The following ANK3 variants were observed in gnomAD, a reference collection of about 807,000 sequenced individuals.
ANK3 encodes ankyrin-3.
A neutral mutation model predicts 370.9 loss-of-function variants in ANK3; 57 were observed. The ratio of observed to expected loss-of-function variants is 0.15; its 90% confidence interval spans 0.12 to 0.19. The LOEUF is 0.19. Among genes scored for constraint, ANK3 ranks in the 10% least tolerant of loss-of-function variants. The pLI, the probability that ANK3 is intolerant of heterozygous loss-of-function variation, is 1.00. For missense variants in ANK3, 4,439 were observed against 5,302.1 expected (o/e 0.84, Z 5.06); for synonymous variants, 1,929 against 1,946.3 (o/e 0.99, Z 0.23).
intron 25 of ANK3, among the ~76,000 whole-genome samples, chr10:60,116,903 C>T (rs943234420): frequency 6.6e-6 from 1 of 152,090 alleles, no homozygotes; most frequent in African/African-American, 2.4e-5. Flanking sequence ...AATACAGAAC[C>T]CATTATGGTA....
At chr10:60,438,593 A>C (rs2064216212) in intron 2 of ANK3, among the ~76,000 whole-genome samples, 1 of 152,198 alleles carries the variant, frequency 6.6e-6, no homozygotes, top group Non-Finnish European at 1.5e-5. Context: ...ACAACCTCAC[A>C]ATGATTGGAT....
At chr10:60,103,380 A>C (rs2091648390) in intron 28 of ANK3, among the ~76,000 whole-genome samples, 1 of 152,210 alleles carries the variant, frequency 6.6e-6, no homozygotes, top group Admixed American at 6.5e-5. Context: ...AAAAGAACAT[A>C]AAAAACATGA....
chr10:60,360,397 G>C (rs2058415694), intron 1 of ANK3, among the ~76,000 whole-genome samples: 1 of 152,298 alleles, frequency 6.6e-6, no homozygotes, highest in Middle Eastern at 3.4e-3. Context: ...TTCTTACTAT[G>C]TGAAGAGAAA....
At chr10:60,731,044 C>T (rs936190398) in intron 1 of ANK3, among the ~76,000 whole-genome samples, 2 of 151,952 alleles carry the variant, frequency 1.3e-5, no homozygotes, top group African/African-American at 4.8e-5. Context: ...ATAACACATC[C>T]GACAAAAATA....
Position 60,027,730 on chromosome 10 carries a change from G to A in ANK3, c.*2116C>T, listed in dbSNP as rs2131821529. 1 of 152,278 alleles carries A rather than the reference G, an allele frequency of 6.6e-6. No homozygotes were observed. The highest frequency in any genetic ancestry group is 2.1e-4 in the South Asian group (1 of 4,822). The allele number at this position is 152,278 out of a possible 1,614,324, so 9.4% of individuals were successfully genotyped here. Reference sequence around the variant, plus strand: ...GTTACTACTATCACTACTACCATATGCTAAGCTGGTAACTAGAATAAAAGT... The same window carrying A: ...GTTACTACTATCACTACTACCATATACTAAGCTGGTAACTAGAATAAAAGT... On this transcript the variant is annotated 3_prime_UTR_variant, in exon 44 of 44. Transcript: ENST00000280772.
chr10:60,056,369 T>A (rs569630384), intron 41 of ANK3, among the ~76,000 whole-genome samples: 2 of 86,532 alleles, frequency 2.3e-5, no homozygotes, highest in East Asian at 2.4e-3. Flanking sequence ...CTCAGGAACC[T>A]GAGGCAGGAG....
intron 16 of ANK3, among the ~76,000 whole-genome samples, chr10:60,193,862 T>C (rs765734190): frequency 1.1e-4 from 16 of 152,330 alleles, no homozygotes; most frequent in Non-Finnish European, 2.2e-4. Context: ...AGCTCACCCC[T>C]GTAATCCCAG....
At chr10:60,442,136 C>A (rs1296838819) in intron 2 of ANK3, among the ~76,000 whole-genome samples, 2 of 144,686 alleles carry the variant, frequency 1.4e-5, no homozygotes, top group African/African-American at 5.2e-5. Context: ...TGCTCTGTTG[C>A]CCAGGCTGGA....
rs191371748 is a variant in ANK3 at position 60,432,827 on chromosome 10, C to A, written c.97-153188G>T. Reference sequence around the variant, plus strand: ...ACAAGTTCTTACCAAGTGAAATTATCCCACTGTGGCTCTGCTGCTGTTCTG... The same window carrying A: ...ACAAGTTCTTACCAAGTGAAATTATACCACTGTGGCTCTGCTGCTGTTCTG... On this transcript the variant is annotated intron_variant, in intron 2 of 43. Coordinates refer to the ANK3 transcript ENST00000373827. Among the ~76,000 whole-genome samples the A allele has an allele frequency of 2.3e-3, 345 of 152,206 alleles. 2 individuals are homozygous for A. The highest frequency in any genetic ancestry group is 7.9e-3 in the African/African-American group (327 of 41,542).
At chr10:60,721,286 G>C (rs1184421268) in intron 1 of ANK3, among the ~76,000 whole-genome samples, 3 of 152,142 alleles carry the variant, frequency 2.0e-5, no homozygotes, top group African/African-American at 4.8e-5. Context: ...TTTCCAGGAA[G>C]AGAAAAATGA....
At chr10:60,089,199 C>A (rs943808566) in intron 28 of ANK3, among the ~76,000 whole-genome samples, 10 of 152,284 alleles carry the variant, frequency 6.6e-5, no homozygotes, top group African/African-American at 2.4e-4. Context: ...ATGGATACAT[C>A]TTCTTCCCTG....
At chr10:60,381,397 AT>A (rs1262953991) in intron 1 of ANK3, among the ~76,000 whole-genome samples, 5 of 152,282 alleles carry the variant, frequency 3.3e-5, no homozygotes, top group Admixed American at 1.3e-4. Context: ...AGAAAAATGT[AT>A]TTAACATATG....
chr10:60,415,916 G>GTCTCCCC (rs1567021986), intron 2 of ANK3, among the ~76,000 whole-genome samples: 1 of 81,190 alleles, frequency 1.2e-5, no homozygotes, highest in Non-Finnish European at 2.6e-5. Context: ...CTGAATTTGT[G>GTCTCCCC]CCCCCCACCC....
At chr10:60,566,147 T>C (rs1172404124) in intron 2 of ANK3, among the ~76,000 whole-genome samples, 1 of 152,206 alleles carries the variant, frequency 6.6e-6, no homozygotes, top group Non-Finnish European at 1.5e-5. Context: ...CTGTTTTGGG[T>C]AGCCACAAAC....
At chr10:60,685,518 G>A (rs2079256352) in intron 1 of ANK3, among the ~76,000 whole-genome samples, 1 of 152,210 alleles carries the variant, frequency 6.6e-6, no homozygotes, top group Non-Finnish European at 1.5e-5. Flanking sequence ...GTAAAGTACA[G>A]TCAAATTATT....
At chr10:60,172,477 G>GGTGA in intron 20 of ANK3, 74 bp from the exon 21 acceptor site, 1 of 1,199,310 alleles carries the variant, frequency 8.3e-7, no homozygotes, top group Non-Finnish European at 1.2e-6. Flanking sequence ...CAAAATGTAA[G>GGTGA]GTGAGTGTCT....
intron 1 of ANK3, among the ~76,000 whole-genome samples, chr10:60,358,556 A>C (rs1392176653): frequency 6.6e-6 from 1 of 152,074 alleles, no homozygotes; most frequent in African/African-American, 2.4e-5. Flanking sequence ...TTTCCCTCTC[A>C]CTGAGTTCCA....
chr10:60,038,688 GGT>G (rs147947460), intron 43 of ANK3, among the ~76,000 whole-genome samples: 1 of 151,566 alleles, frequency 6.6e-6, no homozygotes, highest in Non-Finnish European at 1.5e-5. Flanking sequence ...TCTGAATGAT[GGT>G]GTGTGTGTGT....
chr10:60,712,841 C>A (rs2079728849), intron 1 of ANK3, among the ~76,000 whole-genome samples: 1 of 151,856 alleles, frequency 6.6e-6, no homozygotes, highest in Non-Finnish European at 1.5e-5. Context: ...GACTTCAGAG[C>A]AAGGAAAAAT....
Sources: gnomAD v4.1 joint callset for allele counts (sites outside exome capture counted in the v4.1 genomes callset) on GRCh38, gnomAD v4.1.1 for gene constraint, MANE v1.5 for transcripts, NCBI Gene and HGNC (gene_info 2026-07-23, HGNC 2026-07-21) for gene names.